MKLN1: variants seen among roughly 807,000 people sequenced by gnomAD.
MKLN1 encodes muskelin 1, also known as muskelin.
A neutral mutation model predicts 99.0 loss-of-function variants in MKLN1; 18 were observed. The observed-to-expected ratio is 0.18, with a 90% CI of 0.13 to 0.27. MKLN1 has a LOEUF of 0.27. MKLN1 is among the 10% of genes least tolerant of loss of function. MKLN1 has a pLI of 1.00. For synonymous variants in MKLN1, 288 were observed against 293.2 expected (o/e 0.98, Z 0.18); for missense variants, 621 against 875.9 (o/e 0.71, Z 3.67).
chr7:131,421,491 T>C (rs952071546), intron 8 of MKLN1, among the ~76,000 whole-genome samples: 1 of 152,200 alleles, frequency 6.6e-6, no homozygotes, highest in Non-Finnish European at 1.5e-5. Flanking sequence ...ATCCCTGGGA[T>C]TGAATCCTGG....
upstream of MKLN1, among the ~76,000 whole-genome samples, chr7:131,326,161 A>G (rs1798884840): frequency 6.6e-6 from 1 of 152,132 alleles, no homozygotes; most frequent in South Asian, 2.1e-4. Flanking sequence ...CCTCCCCTTT[A>G]AAGTGTCTAT....
Position 131,487,021 on chromosome 7 carries a change from C to G in MKLN1, c.2087-586C>G, listed in dbSNP as rs1562890395. Among the ~76,000 whole-genome samples, 1 of 152,074 alleles carries G rather than the reference C, an allele frequency of 6.6e-6. No individual in the cohort carries two copies. Among genetic ancestry groups the G allele is most frequent in the Non-Finnish European group, 1.5e-5 (1 of 68,008 alleles). On this transcript the variant is annotated intron_variant, in intron 17 of 17. Transcript: ENST00000352689. This position sits in a 1 kb window ranked among gnomAD's most constrained non-coding sequence, Gnocchi z 4.7. ...AAGGTATAGTGTTATGTGCAGATAC[C>G]ATTCTGCATATTGTACATGTATCTC...
rs1196109634 is a variant in MKLN1 at position 131,487,769 on chromosome 7, A to AT, written c.*45dup. 1.2e-6 allele frequency: 2 copies of AT among 1,600,492 alleles called. No homozygotes were observed. The highest frequency in any genetic ancestry group is 1.7e-6 in the Non-Finnish European group (2 of 1,174,348). On this transcript the variant is annotated 3_prime_UTR_variant, in exon 18 of 18. Coordinates refer to ENST00000352689, the MANE Select transcript of MKLN1 (RefSeq NM_013255.5). This position sits in a 1 kb window ranked among gnomAD's most constrained non-coding sequence, Gnocchi z 4.7. ...ACACAGAAATGGAAAACAGGAGTCG[A>AT]TTTTCCGTCTTTTGGATTGCAGCTC...
chr7:131,189,207 T>G (rs191260), intron 2 of MKLN1, among the ~76,000 whole-genome samples: 1 of 152,168 alleles, frequency 6.6e-6, no homozygotes, highest in Admixed American at 6.6e-5. Flanking sequence ...CATTGGGTGG[T>G]GGTAAAATTG....
At chr7:131,473,849 A>G (rs1435208094) in intron 16 of MKLN1, among the ~76,000 whole-genome samples, 2 of 152,216 alleles carry the variant, frequency 1.3e-5, no homozygotes, top group Admixed American at 1.3e-4. Flanking sequence ...ATAGTACATT[A>G]GAATTGAATA....
At chr7:131,437,597 C>T (rs1333910940) in intron 9 of MKLN1, among the ~76,000 whole-genome samples, 188 bp from the exon 10 acceptor site, 1 of 152,160 alleles carries the variant, frequency 6.6e-6, no homozygotes, top group Non-Finnish European at 1.5e-5. Flanking sequence ...CTACTGCTTA[C>T]TGCTTTTGCT....
chr7:131,393,862 A>G (rs1315225598), intron 4 of MKLN1, among the ~76,000 whole-genome samples: 1 of 152,030 alleles, frequency 6.6e-6, no homozygotes, highest in Non-Finnish European at 1.5e-5. Context: ...CTGGGCTCAA[A>G]TGATCCTCTT....
At chr7:131,246,438 A>G (rs182061635) in intron 3 of MKLN1, among the ~76,000 whole-genome samples, 1 of 152,294 alleles carries the variant, frequency 6.6e-6, no homozygotes, top group East Asian at 1.9e-4. Flanking sequence ...CTTAGAAGAG[A>G]GCTCTAAACC....
chr7:131,216,592 A>G (rs1796986178), intron 3 of MKLN1, among the ~76,000 whole-genome samples: 1 of 152,130 alleles, frequency 6.6e-6, no homozygotes, highest in African/African-American at 2.4e-5. Flanking sequence ...TTCAATGTCT[A>G]TTTTGTAAAG....
chr7:131,298,087 C>T (rs1033971974), intron 3 of MKLN1, among the ~76,000 whole-genome samples: 1 of 150,958 alleles, frequency 6.6e-6, no homozygotes, highest in South Asian at 2.1e-4. Flanking sequence ...ATCGAGACCA[C>T]GGTGAAACCC....
intron 17 of MKLN1, among the ~76,000 whole-genome samples, chr7:131,481,608 A>G (rs1318312046): frequency 6.6e-6 from 1 of 152,132 alleles, no homozygotes; most frequent in African/African-American, 2.4e-5. Flanking sequence ...TTGTATGCTA[A>G]TTTTAATAAT....
chr7:131,165,912 C>T (rs1477314372), intron 2 of MKLN1, among the ~76,000 whole-genome samples: 8 of 152,230 alleles, frequency 5.3e-5, no homozygotes, highest in Admixed American at 2.6e-4. Context: ...CCCAGGAATT[C>T]GAGACTAGCC....
At chr7:131,227,322 C>G (rs545228638) in intron 3 of MKLN1, among the ~76,000 whole-genome samples, 11 of 152,132 alleles carry the variant, frequency 7.2e-5, no homozygotes, top group Non-Finnish European at 2.9e-5. Flanking sequence ...AGGAGACTTC[C>G]TTTCTTCTTT....
At chr7:131,399,181 TTTCC>T in intron 5 of MKLN1, 56 bp from the exon 6 acceptor site, 1 of 1,399,048 alleles carries the variant, frequency 7.1e-7, no homozygotes, top group Non-Finnish European at 1.0e-6. Flanking sequence ...GTTGTTATTG[TTTCC>T]TACAGTATCA....
chr7:131,309,339 T>C (rs973502547), intron 3 of MKLN1, among the ~76,000 whole-genome samples: 3 of 152,214 alleles, frequency 2.0e-5, no homozygotes. Context: ...AGCTTGAGGA[T>C]TGCAACTTAG....
intron 1 of MKLN1, among the ~76,000 whole-genome samples, chr7:131,345,296 T>C (rs1799526402): frequency 6.6e-6 from 1 of 152,228 alleles, no homozygotes; most frequent in Admixed American, 6.5e-5. Flanking sequence ...TATGTTAATA[T>C]ATACTTAGCA....
chr7:131,382,603 T>C (rs1224372431), intron 2 of MKLN1, among the ~76,000 whole-genome samples: 5 of 152,204 alleles, frequency 3.3e-5, no homozygotes, highest in Non-Finnish European at 4.4e-5. Context: ...TTTGCAAATA[T>C]TTTCTTTGCA....
intron 3 of MKLN1, among the ~76,000 whole-genome samples, chr7:131,281,206 A>C (rs184741676): frequency 1.2e-4 from 17 of 146,678 alleles, no homozygotes; most frequent in African/African-American, 4.1e-4. Context: ...ATTTTGAGTT[A>C]TTCTTTTTTT....
In MKLN1 at chr7:131,113,616, G is replaced by A. The variant is rs577157359; in HGVS notation, c.-419+3409G>A. 3.4e-5 allele frequency among the ~76,000 whole-genome samples: 5 copies of A among 145,474 alleles called. No individual in the cohort carries two copies. In the South Asian group the frequency reaches 1.1e-3, roughly 31 times the overall value. ...GTGGGCAGATTGCTTGAGCTCAAGA[G>A]TTTGAGACCAGCCTGGGCAACATGG... On this transcript the variant is annotated intron_variant, in intron 1 of 7. Coordinates refer to the MKLN1 transcript ENST00000416992.
Sources: allele counts gnomAD v4.1 joint callset (sites outside exome capture counted in the v4.1 genomes callset), GRCh38; gene constraint gnomAD v4.1.1; non-coding constraint Gnocchi (gnomAD v3.1); transcripts MANE v1.5; gene names NCBI Gene and HGNC (gene_info 2026-07-23, HGNC 2026-07-21).